EMID1: variants seen among roughly 807,000 people sequenced by gnomAD.
EMID1 encodes the protein EMI domain-containing protein 1.
A neutral mutation model predicts 60.6 loss-of-function variants in EMID1; 40 were observed. The ratio of observed to expected loss-of-function variants is 0.66; its 90% confidence interval spans 0.51 to 0.86. The LOEUF (loss-of-function observed/expected upper bound fraction) is 0.86, where lower values mean the gene tolerates loss of function less well. Among genes scored for constraint, EMID1 ranks in the 40% least tolerant of loss-of-function variants. The pLI, the probability that EMID1 is intolerant of heterozygous loss-of-function variation, is 0.00. For missense variants in EMID1, 585 were observed against 597.1 expected, an observed-to-expected ratio of 0.98 and a Z score of 0.21; for synonymous variants, 242 against 231.0, an observed-to-expected ratio of 1.05 and a Z score of -0.43.
chr22:29,210,252 T>A (rs1485612490), intron 1 of EMID1, among the ~76,000 whole-genome samples: 3 of 7,520 alleles, frequency 4.0e-4, no homozygotes, highest in African/African-American at 6.2e-4. Flanking sequence ...CATGGCAAAT[T>A]TTTTTTTTTT....
intron 3 of EMID1, among the ~76,000 whole-genome samples, chr22:29,223,247 G>A (rs928591228): frequency 4.6e-5 from 7 of 152,212 alleles, no homozygotes; most frequent in Non-Finnish European, 7.3e-5. Context: ...GGAAACTGGA[G>A]CAGTTAATAA....
intron 5 of EMID1, 66 bp downstream of exon 5, chr22:29,226,617 C>T: frequency 1.3e-6 from 2 of 1,495,174 alleles, no homozygotes; most frequent in Non-Finnish European, 1.8e-6. Context: ...AACCACCATC[C>T]CACCCTCCCC....
chr22:29,223,865 C>T (rs1291511584), intron 3 of EMID1, among the ~76,000 whole-genome samples: 2 of 152,222 alleles, frequency 1.3e-5, no homozygotes, highest in Non-Finnish European at 2.9e-5. Flanking sequence ...GGTGCCAGGG[C>T]CAGGGTAAAT....
chr22:29,212,299 TA>T (rs1044944610), intron 1 of EMID1, among the ~76,000 whole-genome samples: 9 of 152,026 alleles, frequency 5.9e-5, no homozygotes, highest in South Asian at 2.1e-4. Context: ...TTTTTTTAAT[TA>T]AAAAAAATTT....
In EMID1 at chr22:29,258,031, C is replaced by G. The variant is rs139681149; in HGVS notation, c.1205-786C>G. On this transcript the variant is annotated intron_variant, in intron 14 of 14. Transcript: ENST00000334018. ...TCATGATTACGACGGACAGCCCACT[C>G]CATGGCAGTGCCCTCAGTGGGAACC... is the stretch of plus-strand genomic sequence containing the variant. 5.2e-3 allele frequency among the ~76,000 whole-genome samples: 788 copies of G among 152,308 alleles called. 9 individuals carry two copies. The highest frequency in any genetic ancestry group is 0.018 in the African/African-American group (728 of 41,560).
Position 29,234,128 on chromosome 22 carries a change from G to A in EMID1, c.967-9G>A, listed in dbSNP as rs956371918. On this transcript the variant is annotated splice_polypyrimidine_tract_variant and intron_variant, in intron 10 of 14. Transcript: ENST00000334018. ...CAACACAAGGCTGAGGCCCTGTCTT[G>A]TTGCTCAGGGACCCCCAGGCCCCAC... 3.8e-6 allele frequency: 6 copies of A among 1,578,824 alleles called. No individual in the cohort carries two copies. Among genetic ancestry groups the A allele is most frequent in the Non-Finnish European group, 3.4e-6 (4 of 1,161,590 alleles).
At position 29,259,490 on chromosome 22, in the gene EMID1, G is replaced by A. The variant is rs2058081748; in HGVS notation, c.*546G>A. ...AGGCCCTCCCGCATCTCAGGTTGGGGATGGGGACATGGAGAGGAAGGGGCC... is the reference window on the plus strand; with the variant it reads ...AGGCCCTCCCGCATCTCAGGTTGGGAATGGGGACATGGAGAGGAAGGGGCC... On this transcript the variant is annotated 3_prime_UTR_variant, in exon 15 of 15. Coordinates refer to ENST00000334018, the MANE Select transcript of EMID1 (RefSeq NM_133455.4). The A allele has an allele frequency of 5.9e-6, 1 of 168,502 alleles. No homozygotes were observed. The highest frequency in any genetic ancestry group is 2.4e-5 in the African/African-American group (1 of 41,604). The allele number at this position is 168,502 out of a possible 1,614,324, so 10.4% of individuals were successfully genotyped here.
At chr22:29,225,085 G>A in intron 3 of EMID1, 48 bp from the exon 4 acceptor site, 1 of 1,597,632 alleles carries the variant, frequency 6.3e-7, no homozygotes, top group Non-Finnish European at 8.6e-7. Flanking sequence ...GGGGGCCTGA[G>A]GAGGCAAGGA....
At position 29,205,995 on chromosome 22, in the gene EMID1, G is replaced by A. The variant is rs2039632401; in HGVS notation, c.-44G>A. On this transcript the variant is annotated 5_prime_UTR_variant, in exon 1 of 15. Transcript: ENST00000334018. ...GGCAGGCGGGGAGGACAGGCTGGGG[G>A]CGGCGACCGCGAGGGGCCGCGCGCG... is the stretch of plus-strand genomic sequence containing the variant. 1 of 1,148,744 alleles carries A rather than the reference G, an allele frequency of 8.7e-7. No homozygotes were observed. Among genetic ancestry groups the A allele is most frequent in the African/African-American group, 1.6e-5 (1 of 61,660 alleles). 71.2% of individuals were successfully genotyped at this position (1,148,744 alleles called of 1,614,324 possible).
chr22:29,218,661 C>A (rs941081814), intron 3 of EMID1, among the ~76,000 whole-genome samples: 1 of 152,128 alleles, frequency 6.6e-6, no homozygotes, highest in Non-Finnish European at 1.5e-5. Context: ...GAGGGGTGGG[C>A]GCAATGCCAG....
intron 3 of EMID1, chr22:29,216,240 C>T: frequency 1.1e-6 from 1 of 947,580 alleles, no homozygotes; most frequent in Non-Finnish European, 1.3e-6. Context: ...GCTGAGCACC[C>T]TGCAGGGGCA....
intron 6 of EMID1, 141 bp from the exon 7 acceptor site, chr22:29,231,451 AC>A: frequency 2.2e-6 from 2 of 922,532 alleles, no homozygotes; most frequent in South Asian, 1.4e-5. Context: ...TACCCCCCCC[AC>A]CCCAGGGCTG....
chr22:29,227,942 G>A (rs750665464), intron 5 of EMID1, among the ~76,000 whole-genome samples: 2 of 151,860 alleles, frequency 1.3e-5, no homozygotes, highest in Non-Finnish European at 2.9e-5. Flanking sequence ...GATCACCTGA[G>A]GTCAAGAGTT....
chr22:29,252,148 A>C (rs1602056593), intron 13 of EMID1, among the ~76,000 whole-genome samples: 1 of 152,114 alleles, frequency 6.6e-6, no homozygotes, highest in Non-Finnish European at 1.5e-5. Flanking sequence ...GTAATACTCG[A>C]AAGGGGATTA....
intron 13 of EMID1, among the ~76,000 whole-genome samples, chr22:29,243,829 T>G (rs1206027850): frequency 6.6e-6 from 1 of 152,226 alleles, no homozygotes; most frequent in Non-Finnish European, 1.5e-5. Flanking sequence ...CTGCATCCCC[T>G]GCCTCCATAG....
chr22:29,256,623 G>A (rs972144288), intron 14 of EMID1, among the ~76,000 whole-genome samples: 2 of 152,142 alleles, frequency 1.3e-5, no homozygotes, highest in Non-Finnish European at 2.9e-5. Context: ...ATAGGTGCTG[G>A]CCTTGGGGAG....
chr22:29,216,294 C>T, intron 3 of EMID1: 1 of 985,344 alleles, frequency 1.0e-6, no homozygotes, highest in Non-Finnish European at 1.2e-6. Flanking sequence ...GCCACACTCT[C>T]CCCTGCAGAA....
chr22:29,238,597 T>G (rs1041928181), intron 12 of EMID1, among the ~76,000 whole-genome samples: 2 of 143,826 alleles, frequency 1.4e-5, no homozygotes, highest in Non-Finnish European at 3.0e-5. Flanking sequence ...TTTTGTATTT[T>G]TAGTAGAGAC....
At chr22:29,236,498 C>G (rs1225211177) in intron 12 of EMID1, among the ~76,000 whole-genome samples, 1 of 152,074 alleles carries the variant, frequency 6.6e-6, no homozygotes, top group Non-Finnish European at 1.5e-5. Context: ...TGAGACCAGC[C>G]TGGCCAACAT....
Sources: allele counts gnomAD v4.1 joint callset (sites outside exome capture counted in the v4.1 genomes callset), GRCh38; gene constraint gnomAD v4.1.1; transcripts MANE v1.5; gene names NCBI Gene and HGNC (gene_info 2026-07-23, HGNC 2026-07-21).